NPAS3: variants seen among roughly 807,000 people sequenced by gnomAD.
NPAS3 encodes the protein neuronal PAS domain protein 3, also known as neuronal PAS domain-containing protein 3.
In NPAS3, 14 loss-of-function variants were observed where a neutral mutation model predicts 73.1. The observed-to-expected ratio is 0.19, with a 90% CI of 0.13 to 0.30. The LOEUF (loss-of-function observed/expected upper bound fraction) is 0.30, where lower values mean the gene tolerates loss of function less well. Among genes scored for constraint, NPAS3 ranks in the 10% least tolerant of loss-of-function variants. The pLI, the probability that NPAS3 is intolerant of heterozygous loss-of-function variation, is 1.00. For missense variants in NPAS3, 1,096 were observed against 1,250.0 expected (o/e 0.88, Z 1.86); for synonymous variants, 620 against 541.5 (o/e 1.14, Z -2.01).
chr14:33,662,269 G>A (rs751063042), intron 5 of NPAS3, among the ~76,000 whole-genome samples: 1 of 152,172 alleles, frequency 6.6e-6, no homozygotes, highest in African/African-American at 2.4e-5. Context: ...AGTTAAAAGG[G>A]CATTATTGAA....
At chr14:33,338,750 C>T (rs2044341275) in intron 3 of NPAS3, among the ~76,000 whole-genome samples, 1 of 152,074 alleles carries the variant, frequency 6.6e-6, no homozygotes, top group Non-Finnish European at 1.5e-5. Flanking sequence ...CTTTAAAAGA[C>T]TTTTAATTCA....
intron 7 of NPAS3, among the ~76,000 whole-genome samples, chr14:33,742,473 A>G (rs2140697627): frequency 6.6e-6 from 1 of 152,314 alleles, no homozygotes; most frequent in East Asian, 1.9e-4. Flanking sequence ...CAACAGCATT[A>G]TTTCTAAAAA....
chr14:33,114,708 G>T (rs542551774), intron 2 of NPAS3, among the ~76,000 whole-genome samples: 2 of 152,052 alleles, frequency 1.3e-5, no homozygotes, highest in Non-Finnish European at 2.9e-5. Context: ...TCATGGTCAC[G>T]TTAAACTCTA....
Position 33,604,493 on chromosome 14 carries a change from A to G in NPAS3, c.558+44283A>G, listed in dbSNP as rs1332024762. Among the ~76,000 whole-genome samples, 10 of 151,956 alleles carry G rather than the reference A, an allele frequency of 6.6e-5. 1 individual carries two copies. The highest frequency in any genetic ancestry group is 5.2e-4 in the Admixed American group (8 of 15,278). ...AAAGCAGTACTGCTAAAATGCAAGG[A>G]GGAATAAAAAAAATTCACAATTATA... On this transcript the variant is annotated intron_variant, in intron 5 of 11. Transcript: ENST00000356141.
intron 6 of NPAS3, among the ~76,000 whole-genome samples, chr14:33,681,301 A>AT (rs1396611390): frequency 6.6e-6 from 1 of 152,262 alleles, no homozygotes; most frequent in East Asian, 1.9e-4. Flanking sequence ...GTGAAGGGAT[A>AT]TTTTTTGTAT....
At chr14:33,738,641 G>A (rs1037455989) in intron 7 of NPAS3, among the ~76,000 whole-genome samples, 11 of 152,204 alleles carry the variant, frequency 7.2e-5, no homozygotes, top group East Asian at 1.9e-4. Flanking sequence ...CAGGAAAGTC[G>A]CCCTCTCTCC....
At chr14:33,331,039 A>T (rs2043960537) in intron 3 of NPAS3, among the ~76,000 whole-genome samples, 1 of 152,226 alleles carries the variant, frequency 6.6e-6, no homozygotes, top group South Asian at 2.1e-4. Flanking sequence ...GAGATAAAAC[A>T]TTCCTCAAAC....
At position 32,962,656 on chromosome 14, in the gene NPAS3, G is replaced by A. The variant is rs528988299; in HGVS notation, c.50+23290G>A. Among the ~76,000 whole-genome samples, 26 of 139,410 alleles carry A rather than the reference G, an allele frequency of 1.9e-4. No individual in the cohort carries two copies. In the South Asian group the frequency reaches 6.1e-3, roughly 33 times the overall value. The allele number at this position is 139,410 out of a possible 152,430, so 91.5% of individuals were successfully genotyped here. On this transcript the variant is annotated intron_variant, in intron 1 of 11. Transcript: ENST00000356141. Reference sequence around the variant, plus strand: ...GTGCGATCTTGGCTCACCACCTCCCGGGTTCAAGCAATTTTCCTGCCTTAG... The same window carrying A: ...GTGCGATCTTGGCTCACCACCTCCCAGGTTCAAGCAATTTTCCTGCCTTAG...
At chr14:33,696,092 G>A (rs759174767) in intron 6 of NPAS3, among the ~76,000 whole-genome samples, 4 of 152,118 alleles carry the variant, frequency 2.6e-5, no homozygotes, top group Non-Finnish European at 4.4e-5. Context: ...CTTAATAGCG[G>A]TAATAACTAT....
intron 2 of NPAS3, among the ~76,000 whole-genome samples, chr14:33,140,285 A>G (rs540523174): frequency 1.5e-4 from 23 of 152,300 alleles, no homozygotes; most frequent in African/African-American, 5.5e-4. Flanking sequence ...CTCAGATATT[A>G]GGAAATGGAT....
At chr14:33,116,734 C>A (rs915632960) in intron 2 of NPAS3, among the ~76,000 whole-genome samples, 4 of 151,890 alleles carry the variant, frequency 2.6e-5, no homozygotes, top group Admixed American at 1.3e-4. Context: ...ATCCCCTCCC[C>A]ACCCACCCAT....
intron 3 of NPAS3, among the ~76,000 whole-genome samples, chr14:33,260,606 T>C (rs559876425): frequency 1.3e-5 from 2 of 152,304 alleles, no homozygotes; most frequent in African/African-American, 4.8e-5. Context: ...TGCTATAACA[T>C]CTAATCTTTC....
rs143898321 is a variant in NPAS3 at position 33,362,150 on chromosome 14, G to C, written c.386-5036G>C. 4.1e-3 allele frequency among the ~76,000 whole-genome samples: 627 copies of C among 152,222 alleles called. 5 individuals are homozygous for C. Among genetic ancestry groups the C allele is most frequent in the South Asian group, 0.016 (78 of 4,824 alleles). On this transcript the variant is annotated intron_variant, in intron 3 of 11. Coordinates refer to ENST00000356141, the Ensembl canonical transcript of NPAS3. ...GTCATGTTGCTATATGGGTTAAGCT[G>C]GTACCCAGTGCTATTTCAGTTTCTT...
chr14:33,105,034 T>A (rs1185408557), intron 2 of NPAS3, among the ~76,000 whole-genome samples: 5 of 152,164 alleles, frequency 3.3e-5, no homozygotes. Flanking sequence ...GGGTTCATGA[T>A]GTGGGAAAGC....
At chr14:33,752,918 GCAAGAAAAATGGGCCAGATAC>G (rs2062006345) in intron 7 of NPAS3, among the ~76,000 whole-genome samples, 2 of 152,002 alleles carry the variant, frequency 1.3e-5, no homozygotes, top group Non-Finnish European at 2.9e-5. Flanking sequence ...TGGGCACTTA[GCAAGAAAAATGGGCCAGATAC>G]CAATGTAATC....
intron 1 of NPAS3, among the ~76,000 whole-genome samples, chr14:33,016,687 T>C (rs908896021): frequency 2.0e-5 from 3 of 152,058 alleles, no homozygotes; most frequent in Admixed American, 6.5e-5. Context: ...GTAGCAGTTT[T>C]TTTGCTCTCC....
In NPAS3 at chr14:33,582,093, A is replaced by G. The variant is rs148501133; in HGVS notation, c.558+21883A>G. Reference sequence around the variant, plus strand: ...TCTTATACCCTCAGGATAAATTTCCAGAAATGAAGTCAAAAGGACAACATA... The same window carrying G: ...TCTTATACCCTCAGGATAAATTTCCGGAAATGAAGTCAAAAGGACAACATA... On this transcript the variant is annotated intron_variant, in intron 5 of 11. Coordinates refer to ENST00000356141, the Ensembl canonical transcript of NPAS3. 7 of 152,348 alleles carry G rather than the reference A, an allele frequency of 4.6e-5. No homozygotes were observed. The East Asian group carries it at 1.4e-3, about 29-fold the overall frequency. 9.4% of individuals were successfully genotyped at this position (152,348 alleles called of 1,614,324 possible).
intron 2 of NPAS3, among the ~76,000 whole-genome samples, chr14:33,085,352 G>A (rs2041988654): frequency 6.6e-6 from 1 of 152,178 alleles, no homozygotes; most frequent in South Asian, 2.1e-4. Context: ...GGTTTGAGGA[G>A]GAGAAAATGG....
intron 3 of NPAS3, among the ~76,000 whole-genome samples, chr14:33,246,139 C>T (rs968003537): frequency 2.0e-5 from 3 of 152,018 alleles, no homozygotes; most frequent in Non-Finnish European, 4.4e-5. Flanking sequence ...CCTCAATTTC[C>T]GTCTCTGTGT....
Sources: allele counts gnomAD v4.1 joint callset (sites outside exome capture counted in the v4.1 genomes callset), GRCh38; gene constraint gnomAD v4.1.1; transcripts MANE v1.5; gene names NCBI Gene and HGNC (gene_info 2026-07-23, HGNC 2026-07-21).